Variants in SH2D4B observed in about 807,000 individuals in gnomAD.
The protein encoded by SH2D4B is SH2 domain containing 4B, also known as SH2 domain-containing protein 4B.
Under a neutral mutation model 61.5 loss-of-function variants are expected in SH2D4B, and 45 were observed. The ratio of observed to expected loss-of-function variants is 0.73; its 90% CI spans 0.58 to 0.94. The LOEUF is 0.94. Ranked by LOEUF, SH2D4B falls within the 40% of genes least tolerant of loss-of-function variation. SH2D4B has a pLI of 0.00. For synonymous variants in SH2D4B, 224 were observed against 220.4 expected (o/e 1.02, Z -0.14); for missense variants, 572 against 574.2 (o/e 1.00, Z 0.04).
intron 2 of SH2D4B, among the ~76,000 whole-genome samples, chr10:80,571,172 A>G (rs1270000355): frequency 6.6e-6 from 1 of 152,144 alleles, no homozygotes; most frequent in East Asian, 1.9e-4. Flanking sequence ...ACCATGCCTA[A>G]CCTACATGTA....
At chr10:80,558,447 G>A (rs923123502) in intron 1 of SH2D4B, among the ~76,000 whole-genome samples, 3 of 152,010 alleles carry the variant, frequency 2.0e-5, no homozygotes, top group African/African-American at 7.2e-5. Context: ...TTATTGAGAT[G>A]TTATTAATAT....
intron 1 of SH2D4B, among the ~76,000 whole-genome samples, chr10:80,547,143 G>T (rs1183447016): frequency 6.6e-6 from 1 of 152,120 alleles, no homozygotes; most frequent in Non-Finnish European, 1.5e-5. Flanking sequence ...CCCTCTGAGG[G>T]GCAGTGATAA....
At chr10:80,619,291 G>T (rs149827643) in intron 6 of SH2D4B, among the ~76,000 whole-genome samples, 1 of 152,312 alleles carries the variant, frequency 6.6e-6, no homozygotes, top group East Asian at 1.9e-4. Flanking sequence ...CAGCTCTTCT[G>T]CATTCCCTGC....
At chr10:80,577,434 T>G (rs1024933317) in intron 3 of SH2D4B, among the ~76,000 whole-genome samples, 4 of 151,892 alleles carry the variant, frequency 2.6e-5, no homozygotes, top group Non-Finnish European at 5.9e-5. Context: ...TTTTCTGTTT[T>G]TTTTTTTTTT....
chr10:80,623,480 A>G (rs1467123742), intron 6 of SH2D4B, among the ~76,000 whole-genome samples: 6 of 152,210 alleles, frequency 3.9e-5, no homozygotes. Flanking sequence ...TAATACCATT[A>G]TGTTGGTGAC....
intron 3 of SH2D4B, 103 bp downstream of exon 3, chr10:80,571,681 C>G: frequency 1.5e-6 from 2 of 1,360,848 alleles, no homozygotes; most frequent in Non-Finnish European, 2.0e-6. Context: ...TTGGTTGGTA[C>G]TGGGTGCTTT....
intron 4 of SH2D4B, among the ~76,000 whole-genome samples, chr10:80,597,257 T>C (rs1842395070): frequency 6.6e-6 from 1 of 152,194 alleles, no homozygotes; most frequent in Admixed American, 6.5e-5. Flanking sequence ...TCCTACTGTA[T>C]GCCAACCATT....
At chr10:80,541,002 C>A in intron 1 of SH2D4B, 3 of 1,120,606 alleles carry the variant, frequency 2.7e-6, no homozygotes, top group South Asian at 2.6e-5. Flanking sequence ...GGGAATGAGT[C>A]AGAATGATAG....
chr10:80,585,505 G>A (rs1206316214), intron 3 of SH2D4B, among the ~76,000 whole-genome samples: 1 of 152,018 alleles, frequency 6.6e-6, no homozygotes, highest in African/African-American at 2.4e-5. Flanking sequence ...TAGTAGAGAC[G>A]GGGTTTCACC....
At chr10:80,554,637 TA>T (rs1361545436) in intron 1 of SH2D4B, among the ~76,000 whole-genome samples, 2 of 152,176 alleles carry the variant, frequency 1.3e-5, no homozygotes, top group Non-Finnish European at 2.9e-5. Context: ...TTAAGGCTTT[TA>T]ACTGCTTGGG....
At chr10:80,643,112 T>A (rs1348740329) in intron 7 of SH2D4B, 1 of 152,692 alleles carries the variant, frequency 6.5e-6, no homozygotes, top group Non-Finnish European at 1.5e-5. Flanking sequence ...GTCTTTCTTT[T>A]TGATGTGACA....
chr10:80,605,108 T>G (rs1842502702), intron 5 of SH2D4B, among the ~76,000 whole-genome samples: 1 of 152,142 alleles, frequency 6.6e-6, no homozygotes, highest in Non-Finnish European at 1.5e-5. Flanking sequence ...CTTCGTTTTT[T>G]ATGTATCCAC....
Position 80,554,743 on chromosome 10 carries a change from C to T in SH2D4B, c.185-15411C>T, listed in dbSNP as rs113122903. Among the ~76,000 whole-genome samples the T allele has an allele frequency of 4.4e-3, 666 of 152,266 alleles. 2 individuals carry two copies. The highest frequency in any genetic ancestry group is 0.014 in the African/African-American group (593 of 41,542). On this transcript the variant is annotated intron_variant, in intron 1 of 7. Transcript: ENST00000646907. ...TCCATAAAATGGCTGGGCGCGGTGG[C>T]TTACGCCTGTAATCTCAGCACTTTG...
chr10:80,609,127 T>C (rs1192237713), intron 5 of SH2D4B, among the ~76,000 whole-genome samples: 1 of 152,238 alleles, frequency 6.6e-6, no homozygotes, highest in Non-Finnish European at 1.5e-5. Context: ...TGGCTGTTTT[T>C]TGAAGCAATC....
At position 80,596,761 on chromosome 10, in the gene SH2D4B, A is replaced by G. The variant is rs115468582; in HGVS notation, c.644-6818A>G. Reference sequence around the variant, plus strand: ...CAGAATAAAGGCAGATGGAGGCTCTATCTTTACTGAAGTTCAGTGCTGGTG... The same window carrying G: ...CAGAATAAAGGCAGATGGAGGCTCTGTCTTTACTGAAGTTCAGTGCTGGTG... On this transcript the variant is annotated intron_variant, in intron 4 of 7. Coordinates refer to ENST00000646907, the MANE Select transcript of SH2D4B (RefSeq NM_001388272.1). Among the ~76,000 whole-genome samples, 268 of 152,336 alleles carry G rather than the reference A, an allele frequency of 1.8e-3. 1 individual carries two copies. The highest frequency in any genetic ancestry group is 5.7e-3 in the African/African-American group (239 of 41,570).
intron 3 of SH2D4B, 54 bp downstream of exon 3, chr10:80,571,632 C>T (rs1842046631): frequency 1.2e-6 from 2 of 1,601,748 alleles, no homozygotes; most frequent in Non-Finnish European, 1.7e-6. Flanking sequence ...CCCCTGAGAC[C>T]ACTGGGGCTG....
At chr10:80,573,006 T>TGAGACGGAGTC (rs1842080963) in intron 3 of SH2D4B, among the ~76,000 whole-genome samples, 1 of 84,074 alleles carries the variant, frequency 1.2e-5, no homozygotes, top group Non-Finnish European at 2.5e-5. Context: ...TTTTTTTTTT[T>TGAGACGGAGTC]TTTTTTTTTT....
rs139392969 is a variant in SH2D4B at position 80,586,957 on chromosome 10, C to T, written c.496-1673C>T. Among the ~76,000 whole-genome samples the T allele has an allele frequency of 3.3e-3, 502 of 152,178 alleles. 1 individual carries two copies. The highest frequency in any genetic ancestry group is 0.012 in the African/African-American group (487 of 41,522). On this transcript the variant is annotated intron_variant, in intron 3 of 7. Transcript: ENST00000646907. ...CACCGCGGAGGTCCGCAGCTTCACTCCTGAGCCAGCGAGACCACGAACCCA... is the reference window on the plus strand; with the variant it reads ...CACCGCGGAGGTCCGCAGCTTCACTTCTGAGCCAGCGAGACCACGAACCCA...
chr10:80,554,739 G>T (rs886798671), intron 1 of SH2D4B, among the ~76,000 whole-genome samples: 1 of 152,172 alleles, frequency 6.6e-6, no homozygotes, highest in Non-Finnish European at 1.5e-5. Flanking sequence ...GCTGGGCGCG[G>T]TGGCTTACGC....
Sources: allele counts gnomAD v4.1 joint callset (sites outside exome capture counted in the v4.1 genomes callset), GRCh38; gene constraint gnomAD v4.1.1; transcripts MANE v1.5; gene names NCBI Gene and HGNC (gene_info 2026-07-23, HGNC 2026-07-21).